The following NLGN1 variants were observed in gnomAD, a reference collection of about 807,000 sequenced individuals.
NLGN1 encodes the protein neuroligin 1.
NLGN1 carries 12 observed loss-of-function variants against 65.5 expected under a neutral mutation model. That is an observed-to-expected ratio of 0.18 (90% CI 0.12 to 0.30). The LOEUF (loss-of-function observed/expected upper bound fraction) is 0.30. Ranked by LOEUF, NLGN1 falls within the 10% of genes least tolerant of loss-of-function variation. The probability of loss-of-function intolerance (pLI) is 1.00; values close to 1 mark genes in which losing one functional copy is unlikely to be tolerated. For synonymous variants in NLGN1, 350 were observed against 359.5 expected (o/e 0.97, Z 0.30); for missense variants, 750 against 1,007.1 (o/e 0.74, Z 3.46).
intron 4 of NLGN1, among the ~76,000 whole-genome samples, chr3:174,053,673 GCTTT>G (rs1735402795): frequency 6.6e-6 from 1 of 151,760 alleles, no homozygotes; most frequent in African/African-American, 2.4e-5. Flanking sequence ...TCCTTTCCCT[GCTTT>G]CTTTCTTACT....
At chr3:173,972,236 G>A (rs1716420146) in intron 4 of NLGN1, among the ~76,000 whole-genome samples, 1 of 152,046 alleles carries the variant, frequency 6.6e-6, no homozygotes, top group African/African-American at 2.4e-5. Context: ...GCCTGCAGCG[G>A]GAGAAGCTTC....
intron 4 of NLGN1, among the ~76,000 whole-genome samples, chr3:174,015,247 G>T (rs547561769): frequency 6.6e-6 from 1 of 152,130 alleles, no homozygotes; most frequent in African/African-American, 2.4e-5. Context: ...GGTCAGTTTG[G>T]GCTGCCATAA....
chr3:173,743,525 C>T (rs2150117964), intron 3 of NLGN1, among the ~76,000 whole-genome samples: 1 of 152,252 alleles, frequency 6.6e-6, no homozygotes, highest in South Asian at 2.1e-4. Context: ...ACATTTTTGC[C>T]TCTTTCACAT....
chr3:174,172,792 C>T (rs1238053943), intron 4 of NLGN1, among the ~76,000 whole-genome samples: 2 of 152,038 alleles, frequency 1.3e-5, no homozygotes, highest in Non-Finnish European at 2.9e-5. Flanking sequence ...ATAGCTTTGA[C>T]TATTCTGGGT....
At chr3:173,835,931 C>T (rs1257834998) in intron 4 of NLGN1, among the ~76,000 whole-genome samples, 1 of 151,922 alleles carries the variant, frequency 6.6e-6, no homozygotes, top group African/African-American at 2.4e-5. Context: ...TTCCTATTTC[C>T]CTTGATCCTC....
chr3:174,221,968 T>C (rs1561323412), intron 4 of NLGN1, among the ~76,000 whole-genome samples: 1 of 152,164 alleles, frequency 6.6e-6, no homozygotes, highest in Non-Finnish European at 1.5e-5. Flanking sequence ...GGCCCTCTTC[T>C]AATCCAGTAT....
chr3:174,189,633 T>C (rs1732018218), intron 4 of NLGN1, among the ~76,000 whole-genome samples: 1 of 151,988 alleles, frequency 6.6e-6, no homozygotes, highest in Non-Finnish European at 1.5e-5. Context: ...TATTGTATTT[T>C]TTGCAACTAA....
At chr3:173,616,185 T>A (rs1480735679) in intron 3 of NLGN1, among the ~76,000 whole-genome samples, 1 of 152,188 alleles carries the variant, frequency 6.6e-6, no homozygotes, top group Non-Finnish European at 1.5e-5. Context: ...CAAAGGCTAA[T>A]GTAGTCTATG....
intron 3 of NLGN1, among the ~76,000 whole-genome samples, chr3:173,780,803 C>G (rs1781004929): frequency 6.6e-6 from 1 of 152,048 alleles, no homozygotes; most frequent in South Asian, 2.1e-4. Flanking sequence ...AAATTCTGAT[C>G]ACATATTTTA....
At chr3:173,959,444 A>G (rs1712996596) in intron 4 of NLGN1, among the ~76,000 whole-genome samples, 1 of 152,244 alleles carries the variant, frequency 6.6e-6, no homozygotes, top group Non-Finnish European at 1.5e-5. Context: ...ATCCTGGACT[A>G]ACAATGCTTA....
intron 2 of NLGN1, among the ~76,000 whole-genome samples, chr3:173,482,274 A>G (rs147716782): frequency 6.6e-6 from 1 of 152,036 alleles, no homozygotes; most frequent in African/African-American, 2.4e-5. Context: ...TGATACACCT[A>G]CATTTCTCCT....
At chr3:173,839,876 A>G (rs75125075) in intron 4 of NLGN1, among the ~76,000 whole-genome samples, 7 of 19,602 alleles carry the variant, frequency 3.6e-4, no homozygotes, top group African/African-American at 6.0e-4. Context: ...GGTATTATAG[A>G]TATAGCTAAA....
chr3:174,135,802 T>C (rs1361638255), intron 4 of NLGN1, among the ~76,000 whole-genome samples: 2 of 152,134 alleles, frequency 1.3e-5, no homozygotes, highest in Non-Finnish European at 2.9e-5. Context: ...CTATCTTGAC[T>C]AAGTAATTCC....
At chr3:174,214,558 G>T (rs1345678210) in intron 4 of NLGN1, among the ~76,000 whole-genome samples, 1 of 151,902 alleles carries the variant, frequency 6.6e-6, no homozygotes, top group Admixed American at 6.5e-5. Context: ...CCTTTTTTTG[G>T]TTATCCATGA....
intron 4 of NLGN1, among the ~76,000 whole-genome samples, chr3:173,856,714 C>T (rs1270882369): frequency 1.3e-5 from 2 of 151,856 alleles, no homozygotes; most frequent in East Asian, 3.9e-4. Context: ...GGATAATATT[C>T]CAAGGAGATT....
chr3:173,946,066 T>G (rs1747087044), intron 4 of NLGN1, among the ~76,000 whole-genome samples: 1 of 152,238 alleles, frequency 6.6e-6, no homozygotes, highest in South Asian at 2.1e-4. Flanking sequence ...ATCAGCTTTT[T>G]CCTCACAGAC....
intron 4 of NLGN1, among the ~76,000 whole-genome samples, chr3:173,847,451 A>G (rs1479773985): frequency 7.9e-5 from 12 of 152,186 alleles, no homozygotes; most frequent in Non-Finnish European, 1.3e-4. Context: ...TTCTTCAGAT[A>G]AATGTTTCCA....
At chr3:173,542,430 A>G (rs1739047464) in intron 2 of NLGN1, among the ~76,000 whole-genome samples, 1 of 152,016 alleles carries the variant, frequency 6.6e-6, no homozygotes, top group South Asian at 2.1e-4. Context: ...ATTTCCTCAA[A>G]TATTCACTAA....
intron 4 of NLGN1, among the ~76,000 whole-genome samples, chr3:174,172,247 G>T (rs558811709): frequency 5.6e-4 from 85 of 152,096 alleles, no homozygotes; most frequent in Non-Finnish European, 1.1e-3. Flanking sequence ...TCACATTGGG[G>T]TGAATGGGGT....
Sources: gnomAD v4.1 joint callset for allele counts (sites outside exome capture counted in the v4.1 genomes callset) on GRCh38, gnomAD v4.1.1 for gene constraint, MANE v1.5 for transcripts, NCBI Gene and HGNC (gene_info 2026-07-23, HGNC 2026-07-21) for gene names.